The following RGPD4 variants were observed in gnomAD, a reference collection of about 807,000 sequenced individuals.
RGPD4 encodes RANBP2 like and GRIP domain containing 4, also known as ranBP2-like and GRIP domain-containing protein 4.
In RGPD4, 84 loss-of-function variants were observed where a neutral mutation model predicts 141.1. That is an observed-to-expected ratio of 0.60 (90% CI 0.50 to 0.71). The LOEUF (loss-of-function observed/expected upper bound fraction) is 0.71, where lower values mean the gene tolerates loss of function less well. RGPD4 is among the 30% of genes least tolerant of loss of function. RGPD4 has a pLI of 0.00. For synonymous variants in RGPD4, 298 were observed against 566.8 expected (o/e 0.53, Z 6.74); for missense variants, 918 against 1,622.4 (o/e 0.57, Z 7.46).
In RGPD4 at chr2:107,828,236, T is replaced by C. The variant is rs76840730; in HGVS notation, c.72+1151T>C. 8.3e-4 allele frequency among the ~76,000 whole-genome samples: 22 copies of C among 26,456 alleles called. 1 individual carries two copies. Among genetic ancestry groups the C allele is most frequent in the Admixed American group, 2.0e-3 (8 of 3,924 alleles). The allele number at this position is 26,456 out of a possible 152,430, so 17.4% of individuals were successfully genotyped here. On this transcript the variant is annotated intron_variant, in intron 1 of 22. Transcript: ENST00000408999. ...TGGCCGGGCGGCGGCGGCCTCGACC[T>C]GGCCCGGCGGCGGCCTCGATGGCTC...
At chr2:107,857,230 C>T (rs1300675250) in intron 9 of RGPD4, among the ~76,000 whole-genome samples, 9 of 151,254 alleles carry the variant, frequency 6.0e-5, no homozygotes, top group South Asian at 2.1e-4. Flanking sequence ...CTCTGCCTCC[C>T]GGGTTCAAGT....
rs1682473644 is a variant in RGPD4, at chr2:107,859,754, T to C, written c.1667T>C (p.Val556Ala). 1.9e-6 allele frequency: 3 copies of C among 1,611,024 alleles called. No homozygotes were observed. In the Admixed American group the frequency reaches 5.0e-5, roughly 27 times the overall value. ...AACTCAGCAAAATTGAGACTTTTAG[T>C]TCAGCATGAAATAAACACTCTAAGA... ...PGNSAKLRLL[V>A]QHEINTLRAQ... The change falls in exon 12 of 23, where the codon GTT (valine) becomes GCT (alanine). Residue 556 changes from valine (V) to alanine (A), a missense_variant. Physicochemically the swap from Val to Ala is moderately conservative, Grantham distance 64 (BLOSUM62 0). Coordinates refer to ENST00000408999, the MANE Select transcript of RGPD4 (RefSeq NM_182588.3).
At chr2:107,856,012 C>T (rs1383282894) in intron 8 of RGPD4, among the ~76,000 whole-genome samples, 2 of 126,508 alleles carry the variant, frequency 1.6e-5, no homozygotes, top group African/African-American at 7.0e-5. Flanking sequence ...TACTGTAAAC[C>T]TATGGCATAA....
rs768714270 is a variant in RGPD4, at chr2:107,872,869, C to G, written c.4865C>G (p.Ser1622Cys). ...QSSDSKVKNL[S>C]ASFPMEESSI... The stretch of plus-strand genomic sequence containing the variant: ...TCAGATAGCAAAGTCAAAAATCTCT[C>G]TGCTTCCTTTCCAATGGAAGAATCT... The change falls in exon 20 of 23, where the codon TCT (serine) becomes TGT (cysteine). Residue 1622 changes from serine to cysteine, a missense_variant. Ser to Cys is a moderately radical substitution (Grantham distance 112). Transcript: ENST00000408999. 51 of 1,595,474 alleles carry G rather than the reference C, an allele frequency of 3.2e-5. No homozygotes were observed. The highest frequency in any genetic ancestry group is 4.0e-5 in the Non-Finnish European group (47 of 1,174,574).
chr2:107,881,426 CCCTGCCTCAG>C (rs1558822170), intron 21 of RGPD4, among the ~76,000 whole-genome samples: 1 of 151,714 alleles, frequency 6.6e-6, no homozygotes, highest in Non-Finnish European at 1.5e-5. Context: ...CAAGCGATTC[CCCTGCCTCAG>C]CCTCCCGAGT....
In RGPD4 at chr2:107,880,070, C is replaced by T. The variant is rs753086697; in HGVS notation, c.5027C>T (p.Ala1676Val). The change falls in exon 21 of 23, where the codon GCA (alanine) becomes GTA (valine). Residue 1676 changes from alanine (A) to valine (V), a missense_variant. Coordinates refer to ENST00000408999, the MANE Select transcript of RGPD4 (RefSeq NM_182588.3). ...CACTTAAACGGCCTGCTTCGGGAAGCAGAGGCAACCAGTGCAGTCCTTATG... is the reference window on the plus strand; with the variant it reads ...CACTTAAACGGCCTGCTTCGGGAAGTAGAGGCAACCAGTGCAGTCCTTATG... ...ADHLNGLLRE[A>V]EATSAVLMEQ... The T allele has an allele frequency of 5.0e-6, 8 of 1,611,206 alleles. No homozygotes were observed. The highest frequency in any genetic ancestry group is 4.4e-5 in the South Asian group (4 of 90,962).
chr2:107,876,472 G>C (rs914597302), intron 20 of RGPD4, among the ~76,000 whole-genome samples: 1 of 151,584 alleles, frequency 6.6e-6, no homozygotes, highest in Non-Finnish European at 1.5e-5. Context: ...TTTTTAAATA[G>C]AAACATTAGC....
intron 15 of RGPD4, among the ~76,000 whole-genome samples, chr2:107,861,967 TG>T (rs1682557386): frequency 9.5e-6 from 1 of 104,838 alleles, no homozygotes; most frequent in Non-Finnish European, 1.8e-5. Flanking sequence ...AAGTACTTCT[TG>T]GGGAATTAGA....
chr2:107,865,383 C>T (rs1224124087), intron 17 of RGPD4, among the ~76,000 whole-genome samples: 2 of 150,692 alleles, frequency 1.3e-5, no homozygotes, highest in Admixed American at 1.3e-4. Flanking sequence ...TGTTTGAACA[C>T]AGGGTTAAGT....
chr2:107,849,288 T>C (rs1048000934), intron 7 of RGPD4, among the ~76,000 whole-genome samples: 2 of 109,802 alleles, frequency 1.8e-5, no homozygotes, highest in Admixed American at 8.9e-5. Flanking sequence ...TCTCTTGACC[T>C]CGTGATCTAC....
rs1350315654 is a variant in RGPD4, at chr2:107,884,684, A to G, written c.5266+1811A>G. On this transcript the variant is annotated intron_variant, in intron 22 of 22. Transcript: ENST00000408999. ...ATCTTACTTTTGACTGATTGACCTT[A>G]TCTAGTTGGTGTTCTTTAACATGTT... Among the ~76,000 whole-genome samples the G allele has an allele frequency of 3.0e-4, 43 of 141,008 alleles. 1 individual carries two copies. Among genetic ancestry groups the G allele is most frequent in the African/African-American group, 1.1e-3 (42 of 37,430 alleles). 92.5% of individuals were successfully genotyped at this position (141,008 alleles called of 152,430 possible).
chr2:107,859,622 G>C, intron 11 of RGPD4, 68 bp downstream of exon 11: 1 of 1,611,498 alleles, frequency 6.2e-7, no homozygotes, highest in Non-Finnish European at 8.5e-7. Flanking sequence ...TAATCCTCAT[G>C]TGAAGATTTA....
At chr2:107,844,830 GTT>G (rs1222283120) in intron 6 of RGPD4, among the ~76,000 whole-genome samples, 21 of 26,170 alleles carry the variant, frequency 8.0e-4, no homozygotes, top group South Asian at 5.4e-3. Context: ...TTTCTTTTTT[GTT>G]TTTTTTTTTT....
intron 17 of RGPD4, among the ~76,000 whole-genome samples, chr2:107,865,936 G>A (rs1682714143): frequency 7.6e-6 from 1 of 131,684 alleles, no homozygotes; most frequent in South Asian, 2.7e-4. Flanking sequence ...CTGGCGTGCT[G>A]GCTGACACCT....
At chr2:107,884,919 T>C (rs1368246804) in intron 22 of RGPD4, among the ~76,000 whole-genome samples, 1 of 151,744 alleles carries the variant, frequency 6.6e-6, no homozygotes, top group African/African-American at 2.4e-5. Flanking sequence ...CCTGATAAGA[T>C]TCAGGCTTAA....
At chr2:107,874,247 T>G (rs1341837942) in intron 20 of RGPD4, among the ~76,000 whole-genome samples, 1 of 151,436 alleles carries the variant, frequency 6.6e-6, no homozygotes, top group East Asian at 1.9e-4. Context: ...TGTAGGGCTG[T>G]TCTTTTGTGC....
At chr2:107,887,134 C>T (rs1022587531) in intron 22 of RGPD4, among the ~76,000 whole-genome samples, 37 of 151,128 alleles carry the variant, frequency 2.4e-4, no homozygotes, top group African/African-American at 6.8e-4. Context: ...CCTAGCTACT[C>T]GGGAGGCTAA....
intron 1 of RGPD4, among the ~76,000 whole-genome samples, chr2:107,827,717 G>A (rs187001830): frequency 0.034 from 1,906 of 55,432 alleles, 212 homozygotes; most frequent in Non-Finnish European, 0.048. Context: ...GACCTGGCCC[G>A]GCGGCGGCCT....
intron 20 of RGPD4, among the ~76,000 whole-genome samples, chr2:107,874,246 G>A (rs1683025590): frequency 6.6e-6 from 1 of 151,420 alleles, no homozygotes; most frequent in Non-Finnish European, 1.5e-5. Context: ...CTGTAGGGCT[G>A]TTCTTTTGTG....
Sources: allele counts gnomAD v4.1 joint callset (sites outside exome capture counted in the v4.1 genomes callset), GRCh38; gene constraint gnomAD v4.1.1; transcripts MANE v1.5; gene names NCBI Gene and HGNC (gene_info 2026-07-23, HGNC 2026-07-21).